PPARGC1A: variants seen among roughly 807,000 people sequenced by gnomAD.
The protein encoded by PPARGC1A is PPARG coactivator 1 alpha.
A neutral mutation model predicts 88.7 loss-of-function variants in PPARGC1A; 25 were observed. That is an observed-to-expected ratio of 0.28 (90% CI 0.21 to 0.39). PPARGC1A has a LOEUF of 0.39. PPARGC1A is among the 10% of genes least tolerant of loss of function. The pLI is 1.00. For missense variants in PPARGC1A, 880 were observed against 968.7 expected, an observed-to-expected ratio of 0.91 and a Z score of 1.22; for synonymous variants, 363 against 355.6, an observed-to-expected ratio of 1.02 and a Z score of -0.24.
the PPARGC1A span, among the ~76,000 whole-genome samples, chr4:24,160,373 A>C: frequency 6.6e-6 from 1 of 152,216 alleles, no homozygotes; most frequent in Non-Finnish European, 1.5e-5. Context: ...AAGACCATTA[A>C]AACTATTAAG....
chr4:23,951,933 GA>G, the PPARGC1A span, among the ~76,000 whole-genome samples: 1 of 152,074 alleles, frequency 6.6e-6, no homozygotes, highest in African/African-American at 2.4e-5. Context: ...TGTTCATCTG[GA>G]AAGTGTCTGT....
chr4:24,098,823 G>A, the PPARGC1A span, among the ~76,000 whole-genome samples: 29 of 152,158 alleles, frequency 1.9e-4, no homozygotes, highest in Non-Finnish European at 2.9e-4. Flanking sequence ...TGACATGTTT[G>A]TGCCCGAAGC....
the PPARGC1A span, among the ~76,000 whole-genome samples, chr4:24,119,947 A>G: frequency 8.4e-3 from 1,281 of 152,260 alleles, 25 homozygotes; most frequent in African/African-American, 0.029. Context: ...TAAGTTACAA[A>G]TATCCCTGGG....
the PPARGC1A span, among the ~76,000 whole-genome samples, chr4:24,395,441 G>A: frequency 6.6e-6 from 1 of 152,154 alleles, no homozygotes; most frequent in African/African-American, 2.4e-5. Flanking sequence ...TGACAAATAA[G>A]TTGGGGTCCA....
chr4:24,212,477 C>G, the PPARGC1A span, among the ~76,000 whole-genome samples: 1 of 152,158 alleles, frequency 6.6e-6, no homozygotes, highest in Non-Finnish European at 1.5e-5. Context: ...TTGTAAAATG[C>G]AGATAATTTT....
chr4:24,301,680 ACTTT>A, the PPARGC1A span, among the ~76,000 whole-genome samples: 1 of 149,194 alleles, frequency 6.7e-6, no homozygotes, highest in Non-Finnish European at 1.5e-5. Context: ...ATGTACTGTT[ACTTT>A]TTAAGTTTTA....
At chr4:24,377,985 T>C in the PPARGC1A span, among the ~76,000 whole-genome samples, 1 of 152,202 alleles carries the variant, frequency 6.6e-6, no homozygotes, top group African/African-American at 2.4e-5. Context: ...TAATCTGTAA[T>C]TTACGATTGC....
chr4:23,929,556 T>C, the PPARGC1A span, among the ~76,000 whole-genome samples: 2 of 152,172 alleles, frequency 1.3e-5, no homozygotes, highest in South Asian at 4.2e-4. Flanking sequence ...CCCTCTGCAG[T>C]AGCAAAGTGT....
chr4:24,250,656 G>GA, the PPARGC1A span, among the ~76,000 whole-genome samples: 1 of 152,240 alleles, frequency 6.6e-6, no homozygotes, highest in East Asian at 1.9e-4. Context: ...AGAGGAGGAG[G>GA]AAAAAACTAA....
the PPARGC1A span, among the ~76,000 whole-genome samples, chr4:24,416,979 G>A: frequency 1.1e-4 from 16 of 148,830 alleles, no homozygotes; most frequent in East Asian, 2.6e-3. Flanking sequence ...GCAGTGAGCC[G>A]AGATCACACC....
chr4:24,211,508 A>G, the PPARGC1A span, among the ~76,000 whole-genome samples: 54 of 152,224 alleles, frequency 3.5e-4, no homozygotes, highest in East Asian at 7.7e-3. Flanking sequence ...TTCGTCCTAC[A>G]TAGACAGGTG....
At chr4:24,048,704 C>T in the PPARGC1A span, among the ~76,000 whole-genome samples, 8 of 152,218 alleles carry the variant, frequency 5.3e-5, no homozygotes, top group African/African-American at 1.9e-4. Flanking sequence ...ATGGACTTTA[C>T]GAAGAAGGTA....
chr4:24,094,634 A>C, the PPARGC1A span, among the ~76,000 whole-genome samples: 1 of 152,260 alleles, frequency 6.6e-6, no homozygotes, highest in Non-Finnish European at 1.5e-5. Flanking sequence ...CAAGGAAATT[A>C]ATGAAAGCAA....
At chr4:23,814,686 A>G in intron 7 of PPARGC1A, 81 bp from the exon 8 acceptor site, 6 of 1,266,644 alleles carry the variant, frequency 4.7e-6, no homozygotes, top group Middle Eastern at 2.8e-4. Flanking sequence ...GCGAAGACAC[A>G]TGTTTCTAAT....
intron 2 of PPARGC1A, among the ~76,000 whole-genome samples, chr4:23,863,971 T>C (rs1351862994): frequency 6.6e-6 from 1 of 152,174 alleles, no homozygotes; most frequent in Non-Finnish European, 1.5e-5. Context: ...GGTCTCGAAC[T>C]CTTGACCTCA....
chr4:24,118,729 A>G, the PPARGC1A span, among the ~76,000 whole-genome samples: 1 of 152,194 alleles, frequency 6.6e-6, no homozygotes, highest in Non-Finnish European at 1.5e-5. Flanking sequence ...CTCAAAAGCC[A>G]TATCCACATC....
At chr4:24,299,338 A>AATAT in the PPARGC1A span, among the ~76,000 whole-genome samples, 1 of 151,578 alleles carries the variant, frequency 6.6e-6, no homozygotes, top group African/African-American at 2.4e-5. Context: ...GGTTTAATAA[A>AATAT]ATATATATAT....
chr4:23,873,191 C>A (rs1713835622), intron 2 of PPARGC1A, among the ~76,000 whole-genome samples: 2 of 86,628 alleles, frequency 2.3e-5, no homozygotes, highest in Admixed American at 1.3e-4. Flanking sequence ...GAGCGAGACT[C>A]CGTCTCAAAA....
At chr4:24,066,081 G>T in the PPARGC1A span, among the ~76,000 whole-genome samples, 39 of 151,644 alleles carry the variant, frequency 2.6e-4, no homozygotes, top group Non-Finnish European at 1.8e-4. Context: ...TTTGCCTTCC[G>T]TCTCCTTGGG....
Sources: allele counts gnomAD v4.1 joint callset (sites outside exome capture counted in the v4.1 genomes callset), GRCh38; gene constraint gnomAD v4.1.1; transcripts MANE v1.5; gene names NCBI Gene and HGNC (gene_info 2026-07-23, HGNC 2026-07-21).